IL7: variants seen among roughly 807,000 people sequenced by gnomAD.
The protein encoded by IL7 is interleukin 7.
IL7 carries 3 observed loss-of-function variants against 21.6 expected under a neutral mutation model. That is an observed-to-expected ratio of 0.14 (90% CI 0.06 to 0.36). The LOEUF (loss-of-function observed/expected upper bound fraction) is 0.36, where lower values mean the gene tolerates loss of function less well. IL7 is among the 10% of genes least tolerant of loss of function. The pLI is 1.00. For missense variants in IL7, 175 were observed against 200.2 expected (o/e 0.87, Z 0.76); for synonymous variants, 62 against 68.1 (o/e 0.91, Z 0.44).
At chr8:78,696,585 A>G (rs1810422723) in intron 3 of IL7, among the ~76,000 whole-genome samples, 1 of 152,194 alleles carries the variant, frequency 6.6e-6, no homozygotes. Flanking sequence ...GAGAAAGTAA[A>G]ATAAAATTAA....
intron 3 of IL7, among the ~76,000 whole-genome samples, chr8:78,694,696 C>T (rs1325360814): frequency 6.6e-6 from 1 of 152,056 alleles, no homozygotes; most frequent in Non-Finnish European, 1.5e-5. Flanking sequence ...ACCATTTTGT[C>T]AGAAATGGAT....
intron 5 of IL7, chr8:78,719,737 C>G (rs1254520997): frequency 6.6e-6 from 1 of 151,582 alleles, no homozygotes; most frequent in Non-Finnish European, 1.5e-5. Context: ...ATATTTGAAC[C>G]TATTCAATAA....
chr8:78,800,817 AAGG>A (rs1814030499), intron 1 of IL7, among the ~76,000 whole-genome samples: 2 of 152,210 alleles, frequency 1.3e-5, no homozygotes, highest in Non-Finnish European at 2.9e-5. Context: ...AATGAGCTTA[AAGG>A]AGAATATAAT....
downstream of IL7, chr8:78,717,508 A>AC: frequency 6.4e-7 from 1 of 1,554,508 alleles, no homozygotes; most frequent in Non-Finnish European, 8.6e-7. Context: ...AATCTCAAAA[A>AC]AAAAAAAAAG....
At chr8:78,698,895 G>C (rs984476874) in intron 3 of IL7, among the ~76,000 whole-genome samples, 7 of 152,110 alleles carry the variant, frequency 4.6e-5, no homozygotes, top group African/African-American at 1.7e-4. Context: ...CAAGAGAAAA[G>C]AAGATCAGAG....
intron 4 of IL7, among the ~76,000 whole-genome samples, chr8:78,677,795 C>T (rs1256673856): frequency 2.6e-5 from 4 of 151,990 alleles, no homozygotes; most frequent in African/African-American, 9.7e-5. Flanking sequence ...CAATTTAGGG[C>T]GAGTTCGCAG....
At chr8:78,691,174 T>C (rs1810199409) in intron 3 of IL7, among the ~76,000 whole-genome samples, 1 of 152,224 alleles carries the variant, frequency 6.6e-6, no homozygotes, top group Non-Finnish European at 1.5e-5. Flanking sequence ...AGCATTGTTT[T>C]TCACCATTGT....
At chr8:78,696,914 G>A (rs1382450656) in intron 3 of IL7, among the ~76,000 whole-genome samples, 1 of 152,110 alleles carries the variant, frequency 6.6e-6, no homozygotes, top group Non-Finnish European at 1.5e-5. Context: ...TTCTACTAAT[G>A]TTTGTTTGGT....
intron 2 of IL7, among the ~76,000 whole-genome samples, chr8:78,753,277 A>C (rs1271962197): frequency 6.6e-6 from 1 of 152,178 alleles, no homozygotes; most frequent in African/African-American, 2.4e-5. Context: ...TCGCCATTCT[A>C]ACTGGTGTGA....
chr8:78,736,080 A>G (rs995097662), intron 5 of IL7, among the ~76,000 whole-genome samples: 1 of 151,294 alleles, frequency 6.6e-6, no homozygotes, highest in African/African-American at 2.4e-5. Context: ...ATATAAGATA[A>G]GTCCTTATTG....
intron 3 of IL7, among the ~76,000 whole-genome samples, chr8:78,705,526 T>A (rs1175369843): frequency 6.6e-6 from 1 of 152,120 alleles, no homozygotes; most frequent in Non-Finnish European, 1.5e-5. Context: ...AAGACTCCAG[T>A]TGGGAGGCTC....
At chr8:78,740,109 G>T in intron 2 of IL7, 27 bp from the exon 3 acceptor site, 2 of 1,283,640 alleles carry the variant, frequency 1.6e-6, no homozygotes, top group Non-Finnish European at 2.1e-6. Context: ...AAAATAATAT[G>T]GTTAAAACTG....
At chr8:78,680,260 C>T (rs1809729917) in intron 4 of IL7, among the ~76,000 whole-genome samples, 1 of 130,952 alleles carries the variant, frequency 7.6e-6, no homozygotes, top group Non-Finnish European at 1.5e-5. Context: ...GCAGTCCGGC[C>T]TGGGCGACAG....
intron 3 of IL7, among the ~76,000 whole-genome samples, chr8:78,689,712 G>T (rs983754427): frequency 1.3e-5 from 2 of 151,860 alleles, no homozygotes; most frequent in African/African-American, 4.8e-5. Flanking sequence ...CATATTCTTG[G>T]TCTTTTCTCA....
At chr8:78,681,901 C>CTTTTTTTTTTTTTTTTT (rs56181953) in intron 4 of IL7, among the ~76,000 whole-genome samples, 5 of 126,470 alleles carry the variant, frequency 4.0e-5, no homozygotes, top group African/African-American at 2.8e-5. Flanking sequence ...CTTTTTCTTT[C>CTTTTTTTTTTTTTTTTT]TTTTTTTTTT....
intron 2 of IL7, among the ~76,000 whole-genome samples, chr8:78,791,923 A>C (rs1813709847): frequency 6.6e-6 from 1 of 152,182 alleles, no homozygotes; most frequent in Admixed American, 6.5e-5. Flanking sequence ...AAAGCTATTT[A>C]ATATACTAAT....
intron 2 of IL7, among the ~76,000 whole-genome samples, chr8:78,770,454 T>C (rs915633686): frequency 1.3e-5 from 2 of 152,146 alleles, no homozygotes; most frequent in Non-Finnish European, 2.9e-5. Flanking sequence ...AAATTCACCT[T>C]GATATATCCT....
Position 78,739,983 on chromosome 8 carries a change from T to C in IL7, c.228+19A>G. 6.7e-7 allele frequency: 1 copy of C among 1,502,820 alleles called. No homozygotes were observed. Among genetic ancestry groups the C allele is most frequent in the East Asian group, 2.6e-5 (1 of 38,940 alleles). 93.1% of individuals were successfully genotyped at this position (1,502,820 alleles called of 1,614,324 possible). On this transcript the variant is annotated intron_variant, in intron 3 of 5. Transcript: ENST00000263851. ...ATAAAATCAAGCTTGAATGACAAAC[T>C]CCAAATAATTATCATTACCTTATTA...
At chr8:78,803,448 G>A (rs1338190392) in intron 1 of IL7, among the ~76,000 whole-genome samples, 4 of 152,202 alleles carry the variant, frequency 2.6e-5, no homozygotes, top group African/African-American at 9.7e-5. Flanking sequence ...AACATTATGT[G>A]CACTCTTAAT....
Sources: allele counts gnomAD v4.1 joint callset (sites outside exome capture counted in the v4.1 genomes callset), GRCh38; gene constraint gnomAD v4.1.1; transcripts MANE v1.5; gene names NCBI Gene and HGNC (gene_info 2026-07-23, HGNC 2026-07-21).